DNER: variants seen among roughly 807,000 people sequenced by gnomAD.
DNER encodes delta/notch like EGF repeat containing.
A neutral mutation model predicts 78.2 loss-of-function variants in DNER; 33 were observed. The observed-to-expected ratio is 0.42, with a 90% CI of 0.32 to 0.56. The LOEUF is 0.56. Ranked by LOEUF, DNER falls within the 20% of genes least tolerant of loss-of-function variation. The probability of loss-of-function intolerance (pLI) is 0.11; values close to 1 mark genes in which losing one functional copy is unlikely to be tolerated. For synonymous variants in DNER, 417 were observed against 384.8 expected (o/e 1.08, Z -0.98); for missense variants, 918 against 975.3 (o/e 0.94, Z 0.78).
At chr2:229,520,027 A>G (rs1696062905) in intron 5 of DNER, among the ~76,000 whole-genome samples, 1 of 152,172 alleles carries the variant, frequency 6.6e-6, no homozygotes, top group South Asian at 2.1e-4. Flanking sequence ...TAAAGCGCCT[A>G]ATTGCTCCTG....
At chr2:229,406,340 T>A (rs768374559) in intron 10 of DNER, among the ~76,000 whole-genome samples, 2 of 152,222 alleles carry the variant, frequency 1.3e-5, no homozygotes, top group Non-Finnish European at 2.9e-5. Context: ...GAGTGACCCT[T>A]AAGCTTTTGT....
chr2:229,473,255 A>G (rs981525334), intron 7 of DNER, among the ~76,000 whole-genome samples: 4 of 152,264 alleles, frequency 2.6e-5, no homozygotes, highest in African/African-American at 9.6e-5. Flanking sequence ...TTAAGAAAGT[A>G]AACAGCAGAG....
chr2:229,512,260 G>A (rs187781993), intron 6 of DNER, among the ~76,000 whole-genome samples: 106 of 151,816 alleles, frequency 7.0e-4, no homozygotes, highest in African/African-American at 2.5e-3. Context: ...GCGCATGCCT[G>A]TAATCCCAGC....
chr2:229,445,423 T>C (rs907162426), intron 8 of DNER, among the ~76,000 whole-genome samples: 1 of 152,208 alleles, frequency 6.6e-6, no homozygotes, highest in Non-Finnish European at 1.5e-5. Context: ...GATCCAAAAA[T>C]GTTACTGCGA....
rs79564480 is a variant in DNER at position 229,406,895 on chromosome 2, T to C, written c.1723+337A>G. On this transcript the variant is annotated intron_variant, in intron 10 of 12. Transcript: ENST00000341772. ...TACAGAAGACACACCTCTTCCTTCT[T>C]TCCATCTTCTGACTTTTATTAACCC... Among the ~76,000 whole-genome samples, 1,225 of 152,304 alleles carry C rather than the reference T, an allele frequency of 8.0e-3. 10 individuals are homozygous for C. The highest frequency in any genetic ancestry group is 0.012 in the Non-Finnish European group (849 of 68,024).
At chr2:229,628,200 A>G (rs907216114) in intron 1 of DNER, among the ~76,000 whole-genome samples, 3 of 152,136 alleles carry the variant, frequency 2.0e-5, no homozygotes, top group African/African-American at 7.2e-5. Context: ...AGCATGAGAC[A>G]CCGAGGTGAG....
At chr2:229,673,380 G>A (rs1699244203) in intron 1 of DNER, among the ~76,000 whole-genome samples, 2 of 152,208 alleles carry the variant, frequency 1.3e-5, no homozygotes, top group Non-Finnish European at 2.9e-5. Context: ...AATGAGTCCT[G>A]TGAAACCAAC....
At chr2:229,649,571 C>A (rs2154216237) in intron 1 of DNER, among the ~76,000 whole-genome samples, 1 of 152,288 alleles carries the variant, frequency 6.6e-6, no homozygotes, top group African/African-American at 2.4e-5. Context: ...CTCTTGCAAG[C>A]CAGTATGAGT....
chr2:229,487,743 AAAG>A (rs1231891593), intron 6 of DNER, among the ~76,000 whole-genome samples: 3 of 152,218 alleles, frequency 2.0e-5, no homozygotes, highest in African/African-American at 7.2e-5. Context: ...GGGGAATCTA[AAAG>A]AAGTTCAGGA....
At chr2:229,474,310 A>T (rs1313352787) in intron 7 of DNER, among the ~76,000 whole-genome samples, 1 of 152,200 alleles carries the variant, frequency 6.6e-6, no homozygotes, top group Non-Finnish European at 1.5e-5. Flanking sequence ...GCAGCTTAAA[A>T]AATGCCAGTC....
intron 8 of DNER, among the ~76,000 whole-genome samples, chr2:229,425,401 G>A (rs1306361515): frequency 1.3e-5 from 2 of 152,144 alleles, no homozygotes; most frequent in African/African-American, 4.8e-5. Flanking sequence ...CACATGAAAA[G>A]ACCACAGCCC....
At chr2:229,648,943 C>A (rs922590867) in intron 1 of DNER, among the ~76,000 whole-genome samples, 1 of 152,222 alleles carries the variant, frequency 6.6e-6, no homozygotes, top group Non-Finnish European at 1.5e-5. Context: ...CTTGCAATTA[C>A]AGTAGGTTTT....
At chr2:229,549,456 C>T (rs1300383389) in intron 4 of DNER, among the ~76,000 whole-genome samples, 2 of 152,306 alleles carry the variant, frequency 1.3e-5, no homozygotes, top group Non-Finnish European at 2.9e-5. Context: ...CAGGCACCTG[C>T]CATCACACCT....
At chr2:229,387,403 CA>C (rs1301158657) in intron 11 of DNER, among the ~76,000 whole-genome samples, 3 of 151,538 alleles carry the variant, frequency 2.0e-5, no homozygotes, top group African/African-American at 7.3e-5. Context: ...TGCAGAAAAC[CA>C]CCATGGCATG....
intron 7 of DNER, 24 bp from the exon 8 acceptor site, chr2:229,447,564 T>TAA: frequency 1.2e-6 from 2 of 1,603,072 alleles, no homozygotes; most frequent in Non-Finnish European, 1.7e-6. Context: ...CATGAGAGCT[T>TAA]AAAAAAACTA....
chr2:229,618,734 G>T (rs1045570498), intron 1 of DNER, among the ~76,000 whole-genome samples: 2 of 152,260 alleles, frequency 1.3e-5, no homozygotes, highest in South Asian at 4.1e-4. Context: ...ATAATTTTTA[G>T]GTATGCCAAT....
intron 10 of DNER, among the ~76,000 whole-genome samples, chr2:229,393,036 A>G (rs907098111): frequency 2.0e-5 from 3 of 152,220 alleles, no homozygotes; most frequent in African/African-American, 7.2e-5. Context: ...TGTGAAATAA[A>G]ATATAAAAAA....
intron 1 of DNER, among the ~76,000 whole-genome samples, chr2:229,644,799 A>G (rs945754593): frequency 2.0e-5 from 3 of 152,172 alleles, no homozygotes; most frequent in Non-Finnish European, 4.4e-5. Flanking sequence ...TGCTGAATTT[A>G]TGGCTCTAAT....
chr2:229,598,836 C>A (rs1203894677), intron 1 of DNER, among the ~76,000 whole-genome samples: 1 of 152,088 alleles, frequency 6.6e-6, no homozygotes, highest in Non-Finnish European at 1.5e-5. Flanking sequence ...TCTGGACACA[C>A]ACCCCTCACG....
Sources: gnomAD v4.1 joint callset for allele counts (sites outside exome capture counted in the v4.1 genomes callset) on GRCh38, gnomAD v4.1.1 for gene constraint, MANE v1.5 for transcripts, NCBI Gene and HGNC (gene_info 2026-07-23, HGNC 2026-07-21) for gene names.